Variants in SMC5 observed in about 807,000 individuals in gnomAD.
The protein encoded by SMC5 is structural maintenance of chromosomes protein 5.
A neutral mutation model predicts 148.3 loss-of-function variants in SMC5; 88 were observed. The ratio of observed to expected loss-of-function variants is 0.59; its 90% CI spans 0.50 to 0.71. The LOEUF (loss-of-function observed/expected upper bound fraction) is 0.71, where lower values mean the gene tolerates loss of function less well. SMC5 is among the 30% of genes least tolerant of loss of function. The probability of loss-of-function intolerance (pLI) is 0.00; values close to 1 mark genes in which losing one functional copy is unlikely to be tolerated. For missense variants in SMC5, 1,142 were observed against 1,298.9 expected, an observed-to-expected ratio of 0.88 and a Z score of 1.86; for synonymous variants, 421 against 432.8, an observed-to-expected ratio of 0.97 and a Z score of 0.34.
intron 3 of SMC5, 78 bp downstream of exon 3, chr9:70,268,053 A>G: frequency 8.8e-7 from 1 of 1,134,712 alleles, no homozygotes; most frequent in Admixed American, 2.1e-5. Context: ...ATGATTAGAA[A>G]AGAGTATTAA....
intron 8 of SMC5, among the ~76,000 whole-genome samples, chr9:70,291,317 C>T (rs1169878240): frequency 6.6e-6 from 1 of 152,174 alleles, no homozygotes; most frequent in Non-Finnish European, 1.5e-5. Context: ...AGGCAGTATT[C>T]ACACTTTACT....
At chr9:70,349,488 G>GTACT (rs2036752859) in intron 22 of SMC5, among the ~76,000 whole-genome samples, 1 of 152,160 alleles carries the variant, frequency 6.6e-6, no homozygotes, top group Non-Finnish European at 1.5e-5. Flanking sequence ...AAACACTAAT[G>GTACT]TACTCATTAC....
At chr9:70,347,834 C>G in intron 21 of SMC5, 85 bp from the exon 22 acceptor site, 1 of 1,354,014 alleles carries the variant, frequency 7.4e-7, no homozygotes. Context: ...CAGACTGATA[C>G]TGATATAAAA....
chr9:70,266,809 TTCC>T (rs2034303254), intron 2 of SMC5, among the ~76,000 whole-genome samples: 1 of 152,232 alleles, frequency 6.6e-6, no homozygotes, highest in Non-Finnish European at 1.5e-5. Context: ...TGATTTTTGT[TTCC>T]TCCTCATTGG....
intron 7 of SMC5, 31 bp from the exon 8 acceptor site, chr9:70,286,169 G>GT (rs1157159262): frequency 1.4e-6 from 2 of 1,435,092 alleles, no homozygotes; most frequent in African/African-American, 1.4e-5. Context: ...TTAACTAGCT[G>GT]TCCCCCCCTC....
chr9:70,262,165 A>AT (rs1478395127), intron 1 of SMC5, among the ~76,000 whole-genome samples: 1 of 152,194 alleles, frequency 6.6e-6, no homozygotes, highest in East Asian at 1.9e-4. Flanking sequence ...GTAGTGAGTG[A>AT]ACCAAGTCAA....
In SMC5 at chr9:70,259,273, C is replaced by T; in HGVS notation, c.185+10C>T. On this transcript the variant is annotated intron_variant, in intron 1 of 24. Transcript: ENST00000361138. ...CGATGGAGAACTTCCTGTAAGTTGCCCGGAGGCCGCGCCGCGGGTGTGGAG... is the reference window on the plus strand; with the variant it reads ...CGATGGAGAACTTCCTGTAAGTTGCTCGGAGGCCGCGCCGCGGGTGTGGAG... 6.4e-7 allele frequency: 1 copy of T among 1,563,278 alleles called. No homozygotes were observed. Among genetic ancestry groups the T allele is most frequent in the Non-Finnish European group, 8.7e-7 (1 of 1,152,826 alleles).
At chr9:70,294,153 A>G (rs1416144186) in intron 8 of SMC5, among the ~76,000 whole-genome samples, 2 of 152,172 alleles carry the variant, frequency 1.3e-5, no homozygotes, top group African/African-American at 2.4e-5. Context: ...TATAACTTCT[A>G]TTAATGGAAT....
At chr9:70,294,341 G>A (rs1012890062) in intron 8 of SMC5, among the ~76,000 whole-genome samples, 2 of 152,180 alleles carry the variant, frequency 1.3e-5, no homozygotes, top group African/African-American at 4.8e-5. Context: ...GATTTAAAGT[G>A]AGACCAGTTT....
intron 17 of SMC5, among the ~76,000 whole-genome samples, chr9:70,342,545 C>T (rs1158458977): frequency 6.6e-6 from 1 of 152,062 alleles, no homozygotes; most frequent in Non-Finnish European, 1.5e-5. Context: ...GTGAAAAGAG[C>T]AAACCAGACC....
intron 10 of SMC5, among the ~76,000 whole-genome samples, chr9:70,304,712 A>G (rs1398565805): frequency 6.6e-6 from 1 of 152,248 alleles, no homozygotes; most frequent in South Asian, 2.1e-4. Context: ...AAAAGTAAAA[A>G]TAGATCAATA....
rs1393387589 is a variant in SMC5, at chr9:70,298,039, C to A, written c.1127C>A (p.Thr376Asn). The A allele has an allele frequency of 1.3e-5, 21 of 1,613,776 alleles. No individual in the cohort carries two copies. The highest frequency in any genetic ancestry group is 1.7e-5 in the Non-Finnish European group (20 of 1,179,918). Residue 376 changes from threonine to asparagine, a missense_variant, in exon 9 of 25, where the codon ACC (threonine) becomes AAC (asparagine). Thr to Asn is a moderately conservative substitution (Grantham distance 65). Around this residue, in one of 5 missense-constraint regions of SMC5, gnomAD observed 743 missense variants for 835.7 expected, o/e 0.89. Coordinates refer to ENST00000361138, the MANE Select transcript of SMC5 (RefSeq NM_015110.4). ...ELDRQRRIGN[T>N]RKMIEDLQNE... ...GACCGACAGAGGAGAATAGGTAATA[C>A]CCGCAAAATGATAGAGGATTTGCAA...
intron 2 of SMC5, among the ~76,000 whole-genome samples, chr9:70,265,284 C>A (rs917004004): frequency 1.3e-5 from 2 of 152,016 alleles, no homozygotes; most frequent in Non-Finnish European, 2.9e-5. Flanking sequence ...CATGGTGAAA[C>A]CCCGTCTCTA....
At chr9:70,270,962 A>G (rs2034433392) in intron 3 of SMC5, among the ~76,000 whole-genome samples, 1 of 152,116 alleles carries the variant, frequency 6.6e-6, no homozygotes, top group African/African-American at 2.4e-5. Flanking sequence ...ATTTCTTAAT[A>G]CAGGCTGAGT....
At chr9:70,330,734 G>T (rs571165130) in intron 17 of SMC5, among the ~76,000 whole-genome samples, 1 of 151,532 alleles carries the variant, frequency 6.6e-6, no homozygotes, top group South Asian at 2.1e-4. Flanking sequence ...GGTAGAGATG[G>T]GGTTTCATTT....
At position 70,298,119 on chromosome 9, in the gene SMC5, A is replaced by T; in HGVS notation, c.1207A>T (p.Ile403Phe). The change falls in exon 9 of 25, where the codon ATT (isoleucine) becomes TTT (phenylalanine). Residue 403 changes from isoleucine to phenylalanine, a missense_variant. Coordinates refer to ENST00000361138, the MANE Select transcript of SMC5 (RefSeq NM_015110.4). Reference protein sequence around the residue: ...CENLQPQIDAITNDLRRIQDE... With the variant: ...CENLQPQIDAFTNDLRRIQDE... ...GAATCTTCAGCCCCAGATTGATGCC[A>T]TTACAAATGATCTGAGACGGATTCA... is the stretch of plus-strand genomic sequence containing the variant. The T allele has an allele frequency of 6.2e-7, 1 of 1,614,128 alleles. No individual in the cohort carries two copies. Among genetic ancestry groups the T allele is most frequent in the Non-Finnish European group, 8.5e-7 (1 of 1,179,958 alleles).
intron 17 of SMC5, among the ~76,000 whole-genome samples, chr9:70,325,155 CA>C (rs1290133507): frequency 6.6e-6 from 1 of 152,176 alleles, no homozygotes; most frequent in African/African-American, 2.4e-5. Context: ...TCAAATCATA[CA>C]GTTGATCTTT....
chr9:70,282,482 G>C lies in SMC5; in HGVS notation c.880G>C (p.Glu294Gln). The change falls in exon 7 of 25, where the codon GAA becomes CAA. Residue 294 changes from glutamate to glutamine, a missense_variant. This residue lies in a region of SMC5 where 743 missense variants were observed against 835.7 expected (regional missense o/e 0.89). Coordinates refer to ENST00000361138, the MANE Select transcript of SMC5 (RefSeq NM_015110.4). ...EVKLVRDRVK[E>Q]EVRKLKEGQI... ...AAAACTAGTTCGTGACCGAGTGAAG[G>C]AAGAGGTCAGAAAACTTAAAGAAGG... 2.1e-5 allele frequency: 33 copies of C among 1,608,016 alleles called. No homozygotes were observed. Among genetic ancestry groups the C allele is most frequent in the Non-Finnish European group, 2.8e-5 (33 of 1,178,136 alleles).
intron 2 of SMC5, among the ~76,000 whole-genome samples, chr9:70,264,914 C>T (rs2034249060): frequency 6.6e-6 from 1 of 152,184 alleles, no homozygotes; most frequent in African/African-American, 2.4e-5. Flanking sequence ...CTAGACTACA[C>T]TCCTGTAGAG....
Sources: allele counts gnomAD v4.1 joint callset (sites outside exome capture counted in the v4.1 genomes callset), GRCh38; gene constraint gnomAD v4.1.1; regional missense constraint gnomAD v4.1.1; transcripts MANE v1.5; gene names NCBI Gene and HGNC (gene_info 2026-07-23, HGNC 2026-07-21).